Variants in TAF3 observed in about 807,000 individuals in gnomAD.
The protein encoded by TAF3 is TATA-box binding protein associated factor 3.
In TAF3, 7 loss-of-function variants were observed where a neutral mutation model predicts 80.6. The ratio of observed to expected loss-of-function variants is 0.09; its 90% CI spans 0.05 to 0.16. The LOEUF is 0.16. Ranked by LOEUF, TAF3 falls within the 10% of genes least tolerant of loss-of-function variation. The pLI is 1.00. For synonymous variants in TAF3, 444 were observed against 446.1 expected (o/e 1.00, Z 0.06); for missense variants, 921 against 1,140.2 (o/e 0.81, Z 2.77).
chr10:7,847,211 A>C (rs1836980608), intron 2 of TAF3, among the ~76,000 whole-genome samples: 1 of 152,196 alleles, frequency 6.6e-6, no homozygotes, highest in Admixed American at 6.5e-5. Flanking sequence ...TTATAAGAAA[A>C]TTCCTCTAGG....
At position 7,936,273 on chromosome 10, in the gene TAF3, T is replaced by A. The variant is rs1837919569; in HGVS notation, c.410-27647T>A. Among the ~76,000 whole-genome samples, 4 of 152,198 alleles carry A rather than the reference T, an allele frequency of 2.6e-5. No homozygotes were observed. The South Asian group carries it at 8.3e-4, about 32-fold the overall frequency. On this transcript the variant is annotated intron_variant, in intron 2 of 6. Transcript: ENST00000344293. ...CCTTGCTTAATTGAAATTTTTCATT[T>A]CTCTTTTTCTTTTTTGTAATTTACT...
At chr10:7,970,346 A>G (rs757519055) in intron 3 of TAF3, among the ~76,000 whole-genome samples, 1 of 152,234 alleles carries the variant, frequency 6.6e-6, no homozygotes, top group Non-Finnish European at 1.5e-5. Flanking sequence ...GAATTCAATG[A>G]TTTAATTCTC....
At chr10:7,852,072 C>T (rs763671009) in intron 2 of TAF3, among the ~76,000 whole-genome samples, 1 of 152,040 alleles carries the variant, frequency 6.6e-6, no homozygotes, top group Non-Finnish European at 1.5e-5. Context: ...GTCTGAGCCA[C>T]CATGCCAAGC....
intron 2 of TAF3, among the ~76,000 whole-genome samples, chr10:7,868,483 C>T (rs570659695): frequency 1.3e-5 from 2 of 151,676 alleles, no homozygotes; most frequent in South Asian, 4.2e-4. Context: ...GGTGGTGTGA[C>T]ATAGCGGCCA....
chr10:7,856,076 G>A (rs563321774), intron 2 of TAF3, among the ~76,000 whole-genome samples: 5 of 152,318 alleles, frequency 3.3e-5, no homozygotes, highest in African/African-American at 1.2e-4. Flanking sequence ...CACAGAAGCA[G>A]CATTCCAGGC....
chr10:7,899,412 C>G lies in TAF3; in HGVS notation c.410-64508C>G, dbSNP rs78786421. Among the ~76,000 whole-genome samples, 1,332 of 152,330 alleles carry G rather than the reference C, an allele frequency of 8.7e-3. 21 individuals are homozygous for G. Among genetic ancestry groups the G allele is most frequent in the African/African-American group, 0.03 (1,248 of 41,562 alleles). ...CCATCTTCCCAGGGACCTGGCGCCT[C>G]TGATCCCCAGACTCCTCCATGATTC... is the stretch of plus-strand genomic sequence containing the variant. On this transcript the variant is annotated intron_variant, in intron 2 of 6. Coordinates refer to ENST00000344293, the MANE Select transcript of TAF3 (RefSeq NM_031923.4).
chr10:7,844,324 A>C (rs1836947532), intron 2 of TAF3, among the ~76,000 whole-genome samples: 3 of 151,654 alleles, frequency 2.0e-5, no homozygotes, highest in Non-Finnish European at 4.4e-5. Context: ...TGCTTTAAAA[A>C]CATTAACACA....
chr10:8,001,531 G>T (rs1006619938), intron 4 of TAF3, among the ~76,000 whole-genome samples: 6 of 151,992 alleles, frequency 3.9e-5, no homozygotes, highest in African/African-American at 1.4e-4. Flanking sequence ...GCTTCACTTT[G>T]TCTTTTGCCT....
At chr10:7,854,887 A>G (rs1837063568) in intron 2 of TAF3, among the ~76,000 whole-genome samples, 1 of 152,206 alleles carries the variant, frequency 6.6e-6, no homozygotes, top group African/African-American at 2.4e-5. Flanking sequence ...ACAGAATGAG[A>G]CAGCAAAAGT....
chr10:7,890,963 G>A (rs1442413874), intron 2 of TAF3, among the ~76,000 whole-genome samples: 1 of 152,218 alleles, frequency 6.6e-6, no homozygotes, highest in African/African-American at 2.4e-5. Context: ...TGAGAACAGC[G>A]TAACTGAATT....
At chr10:7,896,264 G>T (rs1446899042) in intron 2 of TAF3, among the ~76,000 whole-genome samples, 1 of 152,068 alleles carries the variant, frequency 6.6e-6, no homozygotes, top group Non-Finnish European at 1.5e-5. Context: ...CTTTACTCTT[G>T]TGACTCCGTG....
Position 7,978,622 on chromosome 10 carries a change from G to C in TAF3, c.2315+1299G>C, listed in dbSNP as rs17143151. On this transcript the variant is annotated intron_variant, in intron 4 of 6. Transcript: ENST00000344293. ...ACCTAATGCCCCTATCTTACCTACAGAAGCATGAAGAATGTCCTCATCCCT... is the reference window on the plus strand; with the variant it reads ...ACCTAATGCCCCTATCTTACCTACACAAGCATGAAGAATGTCCTCATCCCT... Among the ~76,000 whole-genome samples, 1,355 of 152,274 alleles carry C rather than the reference G, an allele frequency of 8.9e-3. 19 individuals carry two copies. Among genetic ancestry groups the C allele is most frequent in the African/African-American group, 0.029 (1,218 of 41,552 alleles).
chr10:7,931,145 G>A (rs768594779), intron 2 of TAF3, among the ~76,000 whole-genome samples: 9 of 152,140 alleles, frequency 5.9e-5, no homozygotes, highest in Non-Finnish European at 1.2e-4. Flanking sequence ...CCACCTGCAT[G>A]GTAGTCAAAA....
intron 2 of TAF3, among the ~76,000 whole-genome samples, chr10:7,936,400 G>C (rs962615246): frequency 2.0e-5 from 3 of 152,018 alleles, no homozygotes; most frequent in Non-Finnish European, 4.4e-5. Context: ...AGCATTATAC[G>C]ATTAAGGATC....
intron 2 of TAF3, among the ~76,000 whole-genome samples, chr10:7,852,644 G>T (rs1256638084): frequency 6.6e-6 from 1 of 152,198 alleles, no homozygotes; most frequent in Non-Finnish European, 1.5e-5. Flanking sequence ...GTGTAACTCC[G>T]TCAGAGTACA....
chr10:7,920,752 C>T (rs1040663731), intron 2 of TAF3, among the ~76,000 whole-genome samples: 2 of 151,966 alleles, frequency 1.3e-5, no homozygotes, highest in African/African-American at 4.8e-5. Flanking sequence ...GAATTGTGGG[C>T]AAAACATTCT....
chr10:8,009,179 T>A lies in TAF3; in HGVS notation c.2417T>A (p.Met806Lys). 1 of 1,520,956 alleles carries A rather than the reference T, an allele frequency of 6.6e-7. No individual in the cohort carries two copies. Among genetic ancestry groups the A allele is most frequent in the Non-Finnish European group, 8.8e-7 (1 of 1,132,264 alleles). The allele number at this position is 1,520,956 out of a possible 1,614,324, so 94.2% of individuals were successfully genotyped here. A position where few individuals can be genotyped will look rare whatever the true frequency, so the allele number is the denominator to read the frequency against. The part of the protein sequence containing the change: ...PPAPAPAPGP[M>K]LVSPAPVPLP... ...GCCCCCGCGCCCGCCCCCGGCCCCATGCTCGTCAGCCCTGCGCCCGTGCCG... is the reference window on the plus strand; with the variant it reads ...GCCCCCGCGCCCGCCCCCGGCCCCAAGCTCGTCAGCCCTGCGCCCGTGCCG... The change falls in exon 5 of 7, where the codon ATG (methionine) becomes AAG (lysine). Residue 806 changes from methionine to lysine, a missense_variant. Physicochemically the swap from Met to Lys is moderately conservative, Grantham distance 95 (BLOSUM62 -1). This residue lies in a region of TAF3 where 743 missense variants were observed against 821.0 expected (regional missense o/e 0.90). Coordinates refer to ENST00000344293, the MANE Select transcript of TAF3 (RefSeq NM_031923.4). This position sits in a 1 kb window ranked among gnomAD's most constrained non-coding sequence, Gnocchi z 4.1.
At chr10:7,842,169 T>TTTG (rs1564345333) in intron 2 of TAF3, among the ~76,000 whole-genome samples, 6 of 95,398 alleles carry the variant, frequency 6.3e-5, no homozygotes, top group African/African-American at 2.3e-4. Context: ...TTTTTGTTTT[T>TTTG]TTTTTTGTTT....
At chr10:7,828,149 C>A (rs1836762610) in intron 2 of TAF3, among the ~76,000 whole-genome samples, 1 of 152,152 alleles carries the variant, frequency 6.6e-6, no homozygotes, top group Non-Finnish European at 1.5e-5. Context: ...AGGAAGATCG[C>A]TTGAGCCCAG....
Sources: gnomAD v4.1 joint callset for allele counts (sites outside exome capture counted in the v4.1 genomes callset) on GRCh38, gnomAD v4.1.1 for gene constraint, gnomAD v4.1.1 regional missense constraint, Gnocchi (gnomAD v3.1) non-coding constraint, MANE v1.5 for transcripts, NCBI Gene and HGNC (gene_info 2026-07-23, HGNC 2026-07-21) for gene names.